PARD3B: variants seen among roughly 807,000 people sequenced by gnomAD.
PARD3B encodes the protein par-3 family cell polarity regulator beta, also known as partitioning defective 3 homolog B.
A neutral mutation model predicts 130.2 loss-of-function variants in PARD3B; 103 were observed. That is an observed-to-expected ratio of 0.79 (90% CI 0.67 to 0.93). The LOEUF (loss-of-function observed/expected upper bound fraction) is 0.93, where lower values mean the gene tolerates loss of function less well. Among genes scored for constraint, PARD3B ranks in the 40% least tolerant of loss-of-function variants. The probability of loss-of-function intolerance (pLI) is 0.00; values close to 1 mark genes in which losing one functional copy is unlikely to be tolerated. For synonymous variants in PARD3B, 583 were observed against 553.2 expected, an observed-to-expected ratio of 1.05 and a Z score of -0.76; for missense variants, 1,609 against 1,499.2, an observed-to-expected ratio of 1.07 and a Z score of -1.21.
intron 2 of PARD3B, among the ~76,000 whole-genome samples, chr2:204,850,921 A>G (rs1047988503): frequency 1.3e-5 from 2 of 152,324 alleles, no homozygotes; most frequent in South Asian, 4.1e-4. Context: ...ACAAGGAATC[A>G]TATTGTTTCC....
chr2:205,519,709 G>A (rs1262864226), intron 21 of PARD3B, among the ~76,000 whole-genome samples: 1 of 152,074 alleles, frequency 6.6e-6, no homozygotes, highest in Non-Finnish European at 1.5e-5. Context: ...TTTACATGTG[G>A]GTGTTCCATT....
In PARD3B at chr2:204,722,999, A is replaced by G. The variant is rs539878334; in HGVS notation, c.222+36717A>G. Among the ~76,000 whole-genome samples, 54 of 152,266 alleles carry G rather than the reference A, an allele frequency of 3.5e-4. 1 individual carries two copies. The highest frequency in any genetic ancestry group is 3.4e-3 in the Middle Eastern group (1 of 294). On this transcript the variant is annotated intron_variant, in intron 2 of 22. Transcript: ENST00000406610. ...TGGGGAGTAATTTTTATAAATATTG[A>G]CACTTTTGTTATCTCTGGGAGGTGA...
In PARD3B at chr2:205,525,104, C is replaced by T. The variant is rs778214395; in HGVS notation, c.3180+25073C>T. On this transcript the variant is annotated intron_variant, in intron 21 of 22. Coordinates refer to ENST00000406610, the MANE Select transcript of PARD3B (RefSeq NM_001302769.2). This position sits in a 1 kb window ranked among gnomAD's most constrained non-coding sequence, Gnocchi z 4.2. ...TGCCTCACAAAGGCTATTTTCTTAG[C>T]TGCAACTTTCTTATTCACACACAGT... Among the ~76,000 whole-genome samples, 2 of 152,200 alleles carry T rather than the reference C, an allele frequency of 1.3e-5. No individual in the cohort carries two copies. Among genetic ancestry groups the T allele is most frequent in the East Asian group, 1.9e-4 (1 of 5,196 alleles).
rs1027505126 is a variant in PARD3B, at chr2:205,585,360, T to A, written c.3261-30096T>A. Among the ~76,000 whole-genome samples, 2 of 152,186 alleles carry A rather than the reference T, an allele frequency of 1.3e-5. No homozygotes were observed. Among genetic ancestry groups the A allele is most frequent in the Non-Finnish European group, 2.9e-5 (2 of 68,032 alleles). ...CCACCCTGCTGGGGCTGGCTGTTTA[T>A]AATGGCTAAAAATGATGGAGTGTGA... On this transcript the variant is annotated intron_variant, in intron 22 of 22. Transcript: ENST00000406610. This position sits in a 1 kb window ranked among gnomAD's most constrained non-coding sequence, Gnocchi z 5.4.
chr2:204,791,019 C>T (rs1273189121), intron 2 of PARD3B, among the ~76,000 whole-genome samples: 2 of 152,018 alleles, frequency 1.3e-5, no homozygotes, highest in African/African-American at 4.8e-5. Context: ...GCAGGAGAAT[C>T]ACTTGAACCC....
At chr2:205,200,899 G>A (rs1325176416) in intron 15 of PARD3B, among the ~76,000 whole-genome samples, 2 of 151,870 alleles carry the variant, frequency 1.3e-5, no homozygotes, top group African/African-American at 4.8e-5. Flanking sequence ...ACGAGAGTGG[G>A]GATAGTAACT....
intron 3 of PARD3B, among the ~76,000 whole-genome samples, chr2:204,975,976 T>G (rs1692104818): frequency 6.6e-6 from 1 of 152,210 alleles, no homozygotes; most frequent in South Asian, 2.1e-4. Context: ...CTTGTTGCCC[T>G]GTTTTTAAAA....
rs765474687 is a variant in PARD3B at position 205,118,958 on chromosome 2, A to C, written c.718A>C (p.Ser240Arg). ...GLFIRGIEDN[S>R]RSKREGLFHE... ...CTTCATCCGAGGCATTGAAGACAAC[A>C]GCAGGTCCAAGCGGGAGGGACTATT... Residue 240 changes from serine (S) to arginine (R), a missense_variant, in exon 7 of 23, where the codon AGC becomes CGC. By Grantham distance (110) the Ser-to-Arg change is moderately radical (BLOSUM62 -1). Transcript: ENST00000406610. 3 of 1,611,664 alleles carry C rather than the reference A, an allele frequency of 1.9e-6. No homozygotes were observed. The South Asian group carries it at 3.3e-5, about 18-fold the overall frequency.
chr2:205,238,892 A>ATATATATATATATATGTATGTGTATG (rs2039216992), intron 15 of PARD3B, among the ~76,000 whole-genome samples: 1 of 114,188 alleles, frequency 8.8e-6, no homozygotes, highest in African/African-American at 3.3e-5. Context: ...GTGTGTATAT[A>ATATATATATATATATGTATGTGTATG]TATATATATA....
In PARD3B at chr2:205,575,880, G is replaced by A. The variant is rs2053740434; in HGVS notation, c.3260+22477G>A. Among the ~76,000 whole-genome samples, 1 of 152,098 alleles carries A rather than the reference G, an allele frequency of 6.6e-6. No individual in the cohort carries two copies. The highest frequency in any genetic ancestry group is 2.1e-4 in the South Asian group (1 of 4,818). ...GGACATAAGTTTTCAGCTCTTTTGGGTAAATACCAAGGAACATGACTGCTG... is the reference window on the plus strand; with the variant it reads ...GGACATAAGTTTTCAGCTCTTTTGGATAAATACCAAGGAACATGACTGCTG... On this transcript the variant is annotated intron_variant, in intron 22 of 22. Coordinates refer to ENST00000406610, the MANE Select transcript of PARD3B (RefSeq NM_001302769.2). This position sits in a 1 kb window ranked among gnomAD's most constrained non-coding sequence, Gnocchi z 4.6.
chr2:204,604,281 G>C (rs940620072), intron 1 of PARD3B, among the ~76,000 whole-genome samples: 4 of 152,076 alleles, frequency 2.6e-5, no homozygotes, highest in African/African-American at 9.7e-5. Flanking sequence ...AAGGGTGAGG[G>C]GTTATTCATG....
intron 3 of PARD3B, among the ~76,000 whole-genome samples, chr2:204,998,358 A>ATATGTGTGTG (rs1400529301): frequency 1.4e-5 from 1 of 69,874 alleles, no homozygotes; most frequent in African/African-American, 6.8e-5. Context: ...ATATATATAT[A>ATATGTGTGTG]TGTGTGTGTG....
chr2:204,627,387 C>T (rs2034523927), intron 1 of PARD3B, among the ~76,000 whole-genome samples: 1 of 152,064 alleles, frequency 6.6e-6, no homozygotes, highest in South Asian at 2.1e-4. Flanking sequence ...TTAAAATTTT[C>T]ATAACAATAG....
intron 22 of PARD3B, among the ~76,000 whole-genome samples, chr2:205,600,871 A>G (rs2054758259): frequency 6.6e-6 from 1 of 152,178 alleles, no homozygotes; most frequent in Non-Finnish European, 1.5e-5. Context: ...TCCATGGTGT[A>G]TATGTACCAC....
chr2:205,598,989 C>G (rs948835697), intron 22 of PARD3B, among the ~76,000 whole-genome samples: 6 of 152,154 alleles, frequency 3.9e-5, no homozygotes, highest in African/African-American at 1.4e-4. Context: ...AAGTTTGTAG[C>G]ACTAAATGCC....
At chr2:205,159,042 T>C (rs2034354666) in intron 11 of PARD3B, 135 bp downstream of exon 11, 1 of 891,010 alleles carries the variant, frequency 1.1e-6, no homozygotes, top group Admixed American at 2.7e-5. Flanking sequence ...AAAAAATATA[T>C]GTGTGAACAG....
rs1488638107 is a variant in PARD3B, at chr2:205,252,848, C to CA, written c.2185+7026_2185+7027insA. 5.2e-5 allele frequency among the ~76,000 whole-genome samples: 6 copies of CA among 115,628 alleles called. No homozygotes were observed. In the East Asian group the frequency reaches 1.2e-3, roughly 22 times the overall value. The allele number at this position is 115,628 out of a possible 152,430, so 75.9% of individuals were successfully genotyped here. ...TAGGAACCTGAAGGGACCCCCCCCC[C>CA]CCACCAAAAAAAAAAAAAAAGGAGA... On this transcript the variant is annotated intron_variant, in intron 16 of 22. Transcript: ENST00000406610.
rs904408250 is a variant in PARD3B, at chr2:204,964,631, A to G, written c.223-521A>G. On this transcript the variant is annotated intron_variant, in intron 2 of 22. Transcript: ENST00000406610. ...TATGCAAGATCAGCACAAATTGTAT[A>G]TAAGTATTCACACAATGTATGTATG... 1.4e-4 allele frequency among the ~76,000 whole-genome samples: 22 copies of G among 152,316 alleles called. No homozygotes were observed. The East Asian group carries it at 4.1e-3, about 28-fold the overall frequency.
At chr2:205,394,404 A>G (rs1230516683) in intron 18 of PARD3B, among the ~76,000 whole-genome samples, 1 of 152,120 alleles carries the variant, frequency 6.6e-6, no homozygotes, top group East Asian at 1.9e-4. Context: ...CTTTCTCTTT[A>G]CCAGCTCCAT....
Sources: gnomAD v4.1 joint callset for allele counts (sites outside exome capture counted in the v4.1 genomes callset) on GRCh38, gnomAD v4.1.1 for gene constraint, Gnocchi (gnomAD v3.1) non-coding constraint, MANE v1.5 for transcripts, NCBI Gene and HGNC (gene_info 2026-07-23, HGNC 2026-07-21) for gene names.